The following ITIH1 variants were observed in gnomAD, a reference collection of about 807,000 sequenced individuals.
The protein encoded by ITIH1 is inter-alpha-trypsin inhibitor heavy chain H1.
A neutral mutation model predicts 104.6 loss-of-function variants in ITIH1; 94 were observed. The ratio of observed to expected loss-of-function variants is 0.90; its 90% CI spans 0.76 to 1.07. ITIH1 has a LOEUF of 1.07. Among genes scored for constraint, ITIH1 ranks in the 50% least tolerant of loss-of-function variants. The pLI, the probability that ITIH1 is intolerant of heterozygous loss-of-function variation, is 0.00. For missense variants in ITIH1, 1,193 were observed against 1,181.4 expected (o/e 1.01, Z -0.14); for synonymous variants, 455 against 464.4 (o/e 0.98, Z 0.26).
In ITIH1 at chr3:52,784,381, C is replaced by A; in HGVS notation, c.1311C>A (p.His437Gln). 1 of 1,614,138 alleles carries A rather than the reference C, an allele frequency of 6.2e-7. No individual in the cohort carries two copies. The highest frequency in any genetic ancestry group is 8.5e-7 in the Non-Finnish European group (1 of 1,179,984). The change falls in exon 11 of 22, where the codon CAC becomes CAA. Residue 437 changes from histidine (H) to glutamine (Q), a missense_variant. Physicochemically the swap from His to Gln is conservative, Grantham distance 24. Coordinates refer to ENST00000273283, the MANE Select transcript of ITIH1 (RefSeq NM_002215.4). ...CGCTCTACAACCTGGGTTTCGGCCACAATGTGGACTTTAACTTTCTGGAGG... is the reference window on the plus strand; with the variant it reads ...CGCTCTACAACCTGGGTTTCGGCCAAAATGTGGACTTTAACTTTCTGGAGG... The part of the protein sequence containing the change: ...RFPLYNLGFG[H>Q]NVDFNFLEVM...
Position 52,779,810 on chromosome 3 carries a change from T to A in ITIH1, c.573+216T>A. 1.8e-6 allele frequency: 2 copies of A among 1,142,742 alleles called. No individual in the cohort carries two copies. The highest frequency in any genetic ancestry group is 2.4e-6 in the Non-Finnish European group (2 of 833,320). 70.8% of individuals were successfully genotyped at this position (1,142,742 alleles called of 1,614,324 possible). ...ATCTCTGAGCTTCGGTTTGCTCATC[T>A]GCTAGACGGGGGGTTTCTGTGAGTC... On this transcript the variant is annotated intron_variant, in intron 5 of 21. Coordinates refer to ENST00000273283, the MANE Select transcript of ITIH1 (RefSeq NM_002215.4). This position sits in a 1 kb window ranked among gnomAD's most constrained non-coding sequence, Gnocchi z 4.4.
intron 2 of ITIH1, 66 bp downstream of exon 2, chr3:52,778,083 C>T: frequency 2.5e-6 from 4 of 1,571,852 alleles, no homozygotes; most frequent in Non-Finnish European, 3.5e-6. Flanking sequence ...TTTCCCCAAC[C>T]TGTCAGGGGT....
chr3:52,784,928 C>G, intron 11 of ITIH1, 116 bp from the exon 12 acceptor site: 2 of 1,044,838 alleles, frequency 1.9e-6, no homozygotes, highest in South Asian at 1.5e-5. Context: ...CTTGACCTCT[C>G]GGACCCTCAA....
At chr3:52,782,354 G>A in intron 8 of ITIH1, 87 bp downstream of exon 8, 1 of 1,055,832 alleles carries the variant, frequency 9.5e-7, no homozygotes. Context: ...CCAGAGTCTG[G>A]TTTGGGATTT....
Position 52,780,662 on chromosome 3 carries a change from T to C in ITIH1, c.687+280T>C, listed in dbSNP as rs551113563. Reference sequence around the variant, plus strand: ...GGTCCAGGGTGAGTTGCTGGCTTGCTTGAGCCTCAGTGCCCTCTTTGCCCG... The same window carrying C: ...GGTCCAGGGTGAGTTGCTGGCTTGCCTGAGCCTCAGTGCCCTCTTTGCCCG... On this transcript the variant is annotated intron_variant, in intron 6 of 21. Coordinates refer to ENST00000273283, the MANE Select transcript of ITIH1 (RefSeq NM_002215.4). Among the ~76,000 whole-genome samples the C allele has an allele frequency of 2.6e-5, 4 of 152,346 alleles. No individual in the cohort carries two copies. In the East Asian group the frequency reaches 7.7e-4, roughly 29 times the overall value.
chr3:52,788,103 T>A (rs1459661303), intron 17 of ITIH1, 37 bp downstream of exon 17: 1 of 1,561,868 alleles, frequency 6.4e-7, no homozygotes, highest in African/African-American at 1.3e-5. Context: ...CACCCCTGTT[T>A]GGGACCCACC....
rs776976898 is a variant in ITIH1 at position 52,777,692 on chromosome 3, C to G, written c.77C>G (p.Pro26Arg). 11 of 1,603,744 alleles carry G rather than the reference C, an allele frequency of 6.9e-6. No homozygotes were observed. The highest frequency in any genetic ancestry group is 9.4e-6 in the Non-Finnish European group (11 of 1,175,500). ...LVSLLILQAMPALGSATGRSK... is the reference protein window; with the variant it reads ...LVSLLILQAMRALGSATGRSK... The stretch of plus-strand genomic sequence containing the variant: ...TCTCTCCTCATCCTGCAGGCCATGC[C>G]TGCCCTGGGCTCGGCTACAGGCAGG... Residue 26 changes from proline to arginine, a missense_variant, in exon 1 of 22, where the codon CCT (proline) becomes CGT (arginine). Coordinates refer to ENST00000273283, the MANE Select transcript of ITIH1 (RefSeq NM_002215.4).
Position 52,782,259 on chromosome 3 carries a change from G to C in ITIH1, c.922G>C (p.Val308Leu). 5.6e-6 allele frequency: 9 copies of C among 1,613,128 alleles called. No homozygotes were observed. The highest frequency in any genetic ancestry group is 3.3e-5 in the South Asian group (3 of 91,060). Residue 308 changes from valine (V) to leucine (L), a missense_variant, in exon 8 of 22, where the codon GTG (valine) becomes CTG (leucine). Coordinates refer to ENST00000273283, the MANE Select transcript of ITIH1 (RefSeq NM_002215.4). ...DISGSMRGQK[V>L]KQTKEALLKI... ...CAGTGGCTCCATGAGAGGCCAGAAAGTGAAGCAGGTAGGCTGCAGCTTGAA... is the reference window on the plus strand; with the variant it reads ...CAGTGGCTCCATGAGAGGCCAGAAACTGAAGCAGGTAGGCTGCAGCTTGAA...
chr3:52,788,379 C>A, intron 18 of ITIH1, 34 bp downstream of exon 18: 1 of 1,349,848 alleles, frequency 7.4e-7, no homozygotes, highest in Non-Finnish European at 1.0e-6. Flanking sequence ...CCAGACAGGG[C>A]CAGGGCTCCT....
chr3:52,787,750 TC>T, intron 16 of ITIH1, 138 bp downstream of exon 16: 1 of 1,093,368 alleles, frequency 9.1e-7, no homozygotes. Flanking sequence ...CAGCCTGGCC[TC>T]CCCAGCCTGA....
At chr3:52,781,216 TC>T (rs1699037999) in intron 6 of ITIH1, among the ~76,000 whole-genome samples, 1 of 32,560 alleles carries the variant, frequency 3.1e-5, no homozygotes, top group African/African-American at 1.2e-4. Flanking sequence ...TTTTTCTTCT[TC>T]TTCTTCTTCT....
chr3:52,790,712 C>A (rs776387830), intron 19 of ITIH1, 37 bp from the exon 20 acceptor site: 4 of 1,598,674 alleles, frequency 2.5e-6, no homozygotes, highest in African/African-American at 1.4e-5. Context: ...GGATGCAGTG[C>A]AGCCGCACCT....
intron 5 of ITIH1, 130 bp from the exon 6 acceptor site, chr3:52,780,139 C>T (rs1254130048): frequency 5.4e-6 from 5 of 929,480 alleles, no homozygotes; most frequent in Non-Finnish European, 8.1e-6. Context: ...GTGGTGTGAG[C>T]CTATAATCCC....
rs1559462416 is a variant in ITIH1 at position 52,782,963 on chromosome 3, G to GA, written c.938dup (p.Ala314GlyfsTer4). 1.2e-6 allele frequency: 2 copies of GA among 1,613,992 alleles called. No homozygotes were observed. The highest frequency in any genetic ancestry group is 1.7e-6 in the Non-Finnish European group (2 of 1,179,960). On this transcript the variant is annotated frameshift_variant, in exon 9 of 22. Coordinates refer to ENST00000273283, the MANE Select transcript of ITIH1 (RefSeq NM_002215.4). LOFTEE classifies it high-confidence loss of function. ...GACTGTTCTGTCCTTGCAGACCAAG[G>GA]AGGCACTCCTTAAAATTCTGGGGGA...
rs1283628233 is a variant in ITIH1, at chr3:52,786,432, G to A, written c.1731G>A (p.Lys577=). 1.3e-6 allele frequency: 2 copies of A among 1,578,636 alleles called. No individual in the cohort carries two copies. The highest frequency in any genetic ancestry group is 1.7e-6 in the Non-Finnish European group (2 of 1,162,032). Residue 577 remains lysine (K), a splice_region_variant and synonymous_variant, in exon 13 of 22, where the codon AAG becomes AAA. Transcript: ENST00000273283. The part of the protein sequence containing the change: ...AYLTIQELLA[K]RMKVDREERA... The stretch of plus-strand genomic sequence containing the variant: ...TCACCATCCAGGAGCTGCTGGCCAA[G>A]CGGTAGGGCACCTGCAGCTGCCCCA...
chr3:52,782,569 C>CAAGTGCCGGGAGT (rs3836493), intron 8 of ITIH1, among the ~76,000 whole-genome samples: 63,227 of 151,794 alleles, frequency 0.42, 13,575 homozygotes, highest in African/African-American at 0.49. Context: ...CTGTGCACTA[C>CAAGTGCCGGGAGT]AATTACGGTG....
chr3:52,787,629 C>T lies in ITIH1; in HGVS notation c.1924+17C>T. 6.2e-7 allele frequency: 1 copy of T among 1,613,952 alleles called. No individual in the cohort carries two copies. Among genetic ancestry groups the T allele is most frequent in the South Asian group, 1.1e-5 (1 of 91,080 alleles). ...CCAGAAGGAGTAAGTGGCAGCCATC[C>T]TGGCCATTCACATCTCTACCCCTCC... On this transcript the variant is annotated intron_variant, in intron 16 of 21. Coordinates refer to ENST00000273283, the MANE Select transcript of ITIH1 (RefSeq NM_002215.4).
chr3:52,787,149 T>C, intron 14 of ITIH1, 39 bp from the exon 15 acceptor site: 1 of 1,614,180 alleles, frequency 6.2e-7, no homozygotes, highest in African/African-American at 1.3e-5. Context: ...GCCAAAAACC[T>C]CTGGGGCTCT....
intron 17 of ITIH1, 50 bp downstream of exon 17, chr3:52,788,116 A>G (rs2154108681): frequency 6.5e-7 from 1 of 1,545,914 alleles, no homozygotes; most frequent in Non-Finnish European, 8.9e-7. Context: ...GACCCACCCT[A>G]TCTGGCTGTC....
Sources: gnomAD v4.1 joint callset for allele counts (sites outside exome capture counted in the v4.1 genomes callset) on GRCh38, gnomAD v4.1.1 for gene constraint, Gnocchi (gnomAD v3.1) non-coding constraint, MANE v1.5 for transcripts, NCBI Gene and HGNC (gene_info 2026-07-23, HGNC 2026-07-21) for gene names.